ZNF827: variants seen among roughly 807,000 people sequenced by gnomAD.
The protein encoded by ZNF827 is zinc finger protein 827.
A neutral mutation model predicts 102.4 loss-of-function variants in ZNF827; 13 were observed. The ratio of observed to expected loss-of-function variants is 0.13; its 90% CI spans 0.08 to 0.20. The LOEUF is 0.20. Among genes scored for constraint, ZNF827 ranks in the 10% least tolerant of loss-of-function variants. The pLI, the probability that ZNF827 is intolerant of heterozygous loss-of-function variation, is 1.00. For synonymous variants in ZNF827, 523 were observed against 536.2 expected, an observed-to-expected ratio of 0.98 and a Z score of 0.34; for missense variants, 1,103 against 1,344.4, an observed-to-expected ratio of 0.82 and a Z score of 2.81.
At chr4:145,918,144 C>G (rs1752801841) in intron 1 of ZNF827, among the ~76,000 whole-genome samples, 1 of 151,998 alleles carries the variant, frequency 6.6e-6, no homozygotes, top group Non-Finnish European at 1.5e-5. Flanking sequence ...ACTAATCAGG[C>G]TTTGTTTTAA....
chr4:145,836,133 G>A (rs377680250), intron 7 of ZNF827, among the ~76,000 whole-genome samples: 6,540 of 151,234 alleles, frequency 0.043, 182 homozygotes, highest in Middle Eastern at 0.051. Flanking sequence ...GACAGCCCCC[G>A]TTACTTCAAT....
rs143701252 is a variant in ZNF827, at chr4:145,914,288, G to A, written c.44-11073C>T. On this transcript the variant is annotated intron_variant, in intron 1 of 14. Transcript: ENST00000508784. ...AGATTTTTATTTAGTGCTTAAATAC[G>A]TATAAAACAAAAGCTGCAAGGAGGC... 2.8e-3 allele frequency among the ~76,000 whole-genome samples: 422 copies of A among 152,274 alleles called. 2 individuals carry two copies. Among genetic ancestry groups the A allele is most frequent in the African/African-American group, 9.1e-3 (377 of 41,544 alleles).
chr4:145,841,851 A>G (rs1164117464), intron 7 of ZNF827, among the ~76,000 whole-genome samples: 1 of 151,998 alleles, frequency 6.6e-6, no homozygotes, highest in Non-Finnish European at 1.5e-5. Context: ...GCCTTGGTGG[A>G]TTGTTTTTCT....
In ZNF827 at chr4:145,902,592, G is replaced by A. The variant is rs779034544; in HGVS notation, c.667C>T (p.Leu223=). 3 of 1,614,082 alleles carry A rather than the reference G, an allele frequency of 1.9e-6. No individual in the cohort carries two copies. Among genetic ancestry groups the A allele is most frequent in the East Asian group, 2.2e-5 (1 of 44,870 alleles). The change falls in exon 2 of 15, where the codon CTG becomes TTG. Residue 223 remains leucine, a synonymous_variant. Transcript: ENST00000508784. This position sits in a 1 kb window ranked among gnomAD's most constrained non-coding sequence, Gnocchi z 4.3. The stretch of plus-strand genomic sequence containing the variant: ...GTCCTGGTGAGAGATTTGTCCTGCA[G>A]AACGGCATTGGCTGCAGCTTTCAGT... The part of the protein sequence containing the change: ...LKLKAAANAV[L]QDKSLTRTEE...
At chr4:145,801,057 A>G (rs944113923) in intron 8 of ZNF827, among the ~76,000 whole-genome samples, 2 of 152,210 alleles carry the variant, frequency 1.3e-5, no homozygotes, top group Non-Finnish European at 2.9e-5. Context: ...AAGAAAATTC[A>G]CAAGGTAGTA....
intron 8 of ZNF827, among the ~76,000 whole-genome samples, chr4:145,822,826 C>T (rs954131188): frequency 4.6e-5 from 7 of 152,148 alleles, no homozygotes; most frequent in Non-Finnish European, 1.0e-4. Flanking sequence ...ATCCTTCCTT[C>T]TACCCAGGAA....
At chr4:145,892,467 G>A in intron 2 of ZNF827, 52 bp from the exon 3 acceptor site, 2 of 1,525,940 alleles carry the variant, frequency 1.3e-6, no homozygotes, top group Non-Finnish European at 8.8e-7. Flanking sequence ...AAGGTACACT[G>A]CATCTGGCAT....
At chr4:145,864,650 A>G (rs1428437153) in intron 5 of ZNF827, among the ~76,000 whole-genome samples, 2 of 152,104 alleles carry the variant, frequency 1.3e-5, no homozygotes, top group Non-Finnish European at 2.9e-5. Flanking sequence ...ACTGGATTCA[A>G]TAAATTTCTC....
At chr4:145,844,460 G>A (rs1745719949) in intron 7 of ZNF827, among the ~76,000 whole-genome samples, 2 of 151,270 alleles carry the variant, frequency 1.3e-5, no homozygotes, top group Admixed American at 6.6e-5. Context: ...CAGGCAGATC[G>A]CTTGAGCTCA....
rs139689413 is a variant in ZNF827 at position 145,902,881 on chromosome 4, C to T, written c.378G>A (p.Leu126=). ...CGAGTTTGAGGGAACCAGCCTCCAG[C>T]AGCCGCCTCAAATTGCTGCTCAGGG... The part of the protein sequence containing the change: ...NKPLSSNLRR[L]LEAGSLKLDA... Residue 126 remains leucine (L), a synonymous_variant, in exon 2 of 15, where the codon CTG becomes CTA. Transcript: ENST00000508784. The surrounding 1 kb of genome is among the most constrained non-coding windows in gnomAD (Gnocchi z 4.3). The T allele has an allele frequency of 1.2e-6, 2 of 1,614,188 alleles. No homozygotes were observed. Among genetic ancestry groups the T allele is most frequent in the Non-Finnish European group, 1.7e-6 (2 of 1,180,038 alleles).
chr4:145,896,712 A>G (rs1053059187), intron 2 of ZNF827, among the ~76,000 whole-genome samples: 1 of 152,258 alleles, frequency 6.6e-6, no homozygotes, highest in Admixed American at 6.5e-5. Flanking sequence ...TACACATTCT[A>G]AATGAATGGA....
At chr4:145,792,103 C>T (rs1207608356) in intron 8 of ZNF827, among the ~76,000 whole-genome samples, 2 of 152,160 alleles carry the variant, frequency 1.3e-5, no homozygotes, top group African/African-American at 2.4e-5. Flanking sequence ...ATGGTGACCT[C>T]GTTTTGGACC....
chr4:145,809,633 A>G (rs1049873775), intron 8 of ZNF827, among the ~76,000 whole-genome samples: 1 of 152,200 alleles, frequency 6.6e-6, no homozygotes, highest in Non-Finnish European at 1.5e-5. Flanking sequence ...TATAGATAAC[A>G]TCACTATTGT....
intron 4 of ZNF827, chr4:145,876,890 G>T (rs1235905588): frequency 2.6e-5 from 4 of 152,078 alleles, no homozygotes; most frequent in Non-Finnish European, 4.4e-5. Context: ...TTAAAAATCT[G>T]TTCCCATTTG....
chr4:145,837,870 T>TTCC (rs1745016294), intron 7 of ZNF827, among the ~76,000 whole-genome samples: 1 of 151,750 alleles, frequency 6.6e-6, no homozygotes, highest in African/African-American at 2.4e-5. Context: ...TATCACCCCT[T>TTCC]ACAAGACCTC....
At chr4:145,819,199 C>G (rs191899159) in intron 8 of ZNF827, among the ~76,000 whole-genome samples, 6 of 151,984 alleles carry the variant, frequency 3.9e-5, no homozygotes, top group Admixed American at 3.9e-4. Context: ...TCACTCCAGG[C>G]TGCATCTGAA....
At chr4:145,769,906 C>T (rs1275627303) in intron 11 of ZNF827, among the ~76,000 whole-genome samples, 4 of 152,360 alleles carry the variant, frequency 2.6e-5, no homozygotes, top group Middle Eastern at 6.8e-3. Flanking sequence ...CATCTTGCTT[C>T]CTCAATACAG....
chr4:145,870,262 A>G lies in ZNF827; in HGVS notation c.1964T>C (p.Leu655Pro), dbSNP rs770436684. The change falls in exon 5 of 15, where the codon CTT (leucine) becomes CCT (proline). Residue 655 changes from leucine to proline, a missense_variant. Transcript: ENST00000508784. ...TCAAGTACCTGAGAGTTTCATGAGA[A>G]GTTCAGAGGCTGCTTTGACTGACAC... ...RDVSVKAASE[L>P]LMKLSAESYK... 2 of 1,613,746 alleles carry G rather than the reference A, an allele frequency of 1.2e-6. No individual in the cohort carries two copies. The highest frequency in any genetic ancestry group is 1.7e-6 in the Non-Finnish European group (2 of 1,179,816).
intron 8 of ZNF827, among the ~76,000 whole-genome samples, chr4:145,804,441 C>CT (rs67873734): frequency 0.35 from 53,421 of 152,090 alleles, 10,741 homozygotes; most frequent in Non-Finnish European, 0.46. Context: ...TAGATAATCA[C>CT]TTTTTTTCTG....
Sources: allele counts gnomAD v4.1 joint callset (sites outside exome capture counted in the v4.1 genomes callset), GRCh38; gene constraint gnomAD v4.1.1; non-coding constraint Gnocchi (gnomAD v3.1); transcripts MANE v1.5; gene names NCBI Gene and HGNC (gene_info 2026-07-23, HGNC 2026-07-21).